NCALD: variants seen among roughly 807,000 people sequenced by gnomAD.
NCALD encodes neurocalcin-delta.
NCALD carries 10 observed loss-of-function variants against 18.6 expected under a neutral mutation model. That is an observed-to-expected ratio of 0.54 (90% confidence interval 0.33 to 0.91). NCALD has a LOEUF of 0.91. NCALD is among the 40% of genes least tolerant of loss of function. NCALD has a pLI of 0.03. For missense variants in NCALD, 184 were observed against 247.6 expected, an observed-to-expected ratio of 0.74 and a Z score of 1.72; for synonymous variants, 88 against 87.4, an observed-to-expected ratio of 1.01 and a Z score of -0.04.
intron 2 of NCALD, among the ~76,000 whole-genome samples, chr8:101,707,960 A>T (rs1815609702): frequency 6.6e-6 from 1 of 152,222 alleles, no homozygotes; most frequent in South Asian, 2.1e-4. Context: ...AACAATCATT[A>T]TTCTAAGTAG....
intron 2 of NCALD, among the ~76,000 whole-genome samples, chr8:101,977,705 C>T (rs1820474218): frequency 1.3e-5 from 2 of 152,176 alleles, no homozygotes; most frequent in Non-Finnish European, 2.9e-5. Flanking sequence ...GGCTGCAATC[C>T]TTAGACAGCT....
At chr8:101,826,656 C>A (rs907236521) in intron 4 of NCALD, among the ~76,000 whole-genome samples, 1 of 152,116 alleles carries the variant, frequency 6.6e-6, no homozygotes, top group Admixed American at 6.6e-5. Context: ...TAAGTAAAAT[C>A]ATAAAGCAAG....
At chr8:101,898,284 T>C (rs1306809372) in intron 3 of NCALD, among the ~76,000 whole-genome samples, 1 of 152,232 alleles carries the variant, frequency 6.6e-6, no homozygotes, top group Non-Finnish European at 1.5e-5. Context: ...ATTTCCCCAG[T>C]AGCTAGGGAT....
intron 3 of NCALD, chr8:101,691,256 C>A (rs1331642543): frequency 1.0e-5 from 10 of 985,106 alleles, no homozygotes; most frequent in Non-Finnish European, 1.2e-5. Flanking sequence ...TCCCACCCCC[C>A]TCTCCCAACC....
chr8:101,806,187 C>T (rs1052925959), intron 4 of NCALD, among the ~76,000 whole-genome samples: 1 of 151,600 alleles, frequency 6.6e-6, no homozygotes, highest in African/African-American at 2.4e-5. Flanking sequence ...AAAACAACAA[C>T]AAAAAACCCC....
chr8:102,059,759 G>GAA (rs1050819612), intron 1 of NCALD, among the ~76,000 whole-genome samples: 1 of 152,148 alleles, frequency 6.6e-6, no homozygotes, highest in African/African-American at 2.4e-5. Flanking sequence ...GGTGAGCCCT[G>GAA]AACACCCCAC....
chr8:101,818,771 C>G (rs1249360952), intron 4 of NCALD, among the ~76,000 whole-genome samples: 4 of 152,052 alleles, frequency 2.6e-5, no homozygotes, highest in Admixed American at 6.6e-5. Context: ...TTTGGGAGGC[C>G]AAGACAGGTG....
chr8:101,900,864 T>C (rs995835267), intron 3 of NCALD, among the ~76,000 whole-genome samples: 1 of 152,052 alleles, frequency 6.6e-6, no homozygotes, highest in African/African-American at 2.4e-5. Flanking sequence ...GATAATGTTA[T>C]GGTCTTCTCT....
chr8:101,789,900 A>G (rs193247666), intron 1 of NCALD, among the ~76,000 whole-genome samples: 1 of 152,200 alleles, frequency 6.6e-6, no homozygotes, highest in Non-Finnish European at 1.5e-5. Flanking sequence ...CAAAGAAAAC[A>G]ATTTGTAGTA....
chr8:102,077,662 G>T (rs1005872969), intron 1 of NCALD, among the ~76,000 whole-genome samples: 2 of 152,096 alleles, frequency 1.3e-5, no homozygotes, highest in African/African-American at 4.8e-5. Flanking sequence ...TAGACAGCAG[G>T]CCTCATACCC....
intron 1 of NCALD, among the ~76,000 whole-genome samples, chr8:102,098,760 C>G (rs1825181815): frequency 2.0e-5 from 3 of 152,124 alleles, no homozygotes. Flanking sequence ...CCCTGCCCTC[C>G]CAAACACTTG....
At chr8:101,957,301 T>TTTG (rs1586824113) in intron 2 of NCALD, among the ~76,000 whole-genome samples, 1 of 148,206 alleles carries the variant, frequency 6.7e-6, no homozygotes, top group Non-Finnish European at 1.5e-5. Flanking sequence ...TTTTTTTTTT[T>TTTG]TTTTTTTTTT....
intron 1 of NCALD, chr8:101,779,867 A>T (rs1047528304): frequency 2.6e-5 from 4 of 152,152 alleles, no homozygotes; most frequent in Admixed American, 6.6e-5. Context: ...TCAATCTCTT[A>T]AAGTTTGATC....
intron 1 of NCALD, among the ~76,000 whole-genome samples, chr8:101,738,377 C>T (rs540460694): frequency 1.3e-5 from 2 of 152,008 alleles, no homozygotes; most frequent in East Asian, 3.9e-4. Context: ...AACCCCATCT[C>T]CACTCAAAAT....
At chr8:101,879,588 G>A (rs575531070) in intron 4 of NCALD, among the ~76,000 whole-genome samples, 9 of 152,134 alleles carry the variant, frequency 5.9e-5, no homozygotes, top group South Asian at 2.1e-4. Flanking sequence ...GGGTTACAAC[G>A]GCTAGCTGGG....
At chr8:101,708,863 T>C (rs975918355) in intron 2 of NCALD, among the ~76,000 whole-genome samples, 5 of 152,172 alleles carry the variant, frequency 3.3e-5, no homozygotes, top group Middle Eastern at 3.4e-3. Context: ...AAAGGAGAAG[T>C]TGAGCTTGCT....
intron 3 of NCALD, among the ~76,000 whole-genome samples, chr8:101,914,533 C>T (rs1817912199): frequency 6.6e-6 from 1 of 152,110 alleles, no homozygotes; most frequent in Non-Finnish European, 1.5e-5. Flanking sequence ...TATGCTTTAC[C>T]CCCTGAAAGG....
rs540956911 is a variant in NCALD at position 102,036,784 on chromosome 8, A to C, written c.-209-16495T>G. Among the ~76,000 whole-genome samples, 1,569 of 152,272 alleles carry C rather than the reference A, an allele frequency of 0.01. 63 individuals carry two copies. In the East Asian group the frequency reaches 0.12, roughly 11 times the overall value. On this transcript the variant is annotated intron_variant, in intron 1 of 6. Transcript: ENST00000311028. The stretch of plus-strand genomic sequence containing the variant: ...CTCAAAAAACAACAACAACAACAAA[A>C]AAATATAAAATATAAGATACTACCA...
chr8:101,975,157 C>T (rs1297901167), intron 2 of NCALD: 1 of 152,158 alleles, frequency 6.6e-6, no homozygotes, highest in East Asian at 1.9e-4. Context: ...GTTTGAAAAC[C>T]ACTTCTCTAA....
Sources: allele counts gnomAD v4.1 joint callset (sites outside exome capture counted in the v4.1 genomes callset), GRCh38; gene constraint gnomAD v4.1.1; transcripts MANE v1.5; gene names NCBI Gene and HGNC (gene_info 2026-07-23, HGNC 2026-07-21).